LHFPL3: variants seen among roughly 807,000 people sequenced by gnomAD.
LHFPL3 encodes the protein LHFPL tetraspan subfamily member 3.
A neutral mutation model predicts 19.3 loss-of-function variants in LHFPL3; 5 were observed. The ratio of observed to expected loss-of-function variants is 0.26; its 90% confidence interval spans 0.14 to 0.54. The LOEUF (loss-of-function observed/expected upper bound fraction) is 0.54, where lower values mean the gene tolerates loss of function less well. Among genes scored for constraint, LHFPL3 ranks in the 20% least tolerant of loss-of-function variants. The pLI is 0.94. For synonymous variants in LHFPL3, 133 were observed against 126.2 expected, an observed-to-expected ratio of 1.05 and a Z score of -0.36; for missense variants, 249 against 307.4, an observed-to-expected ratio of 0.81 and a Z score of 1.42.
intron 1 of LHFPL3, among the ~76,000 whole-genome samples, chr7:104,333,612 C>T (rs1276282705): frequency 2.6e-5 from 4 of 152,162 alleles, no homozygotes; most frequent in South Asian, 2.1e-4. Flanking sequence ...CTTTTTATCC[C>T]GCTTGCTACC....
At chr7:104,901,122 C>T (rs1175352367) in intron 2 of LHFPL3, among the ~76,000 whole-genome samples, 5 of 152,192 alleles carry the variant, frequency 3.3e-5, no homozygotes, top group Admixed American at 3.3e-4. Context: ...GAGTGATGGC[C>T]ACATCTGGAG....
At chr7:104,470,020 T>C (rs868532202) in intron 1 of LHFPL3, 1 of 456,062 alleles carries the variant, frequency 2.2e-6, no homozygotes, top group Middle Eastern at 3.3e-4. Flanking sequence ...CAGGTAATGA[T>C]GCTGTGTGAA....
chr7:104,450,285 A>G (rs1334570347), intron 1 of LHFPL3, among the ~76,000 whole-genome samples: 1 of 152,208 alleles, frequency 6.6e-6, no homozygotes, highest in Admixed American at 6.5e-5. Flanking sequence ...TCTTACCTTC[A>G]GAATTGTAAA....
At chr7:104,398,271 T>A (rs1791234444) in intron 1 of LHFPL3, among the ~76,000 whole-genome samples, 1 of 152,206 alleles carries the variant, frequency 6.6e-6, no homozygotes, top group African/African-American at 2.4e-5. Context: ...CAACCCTGTA[T>A]TATCTTCCAT....
chr7:104,784,671 A>G (rs900088708), intron 2 of LHFPL3, among the ~76,000 whole-genome samples: 1 of 152,376 alleles, frequency 6.6e-6, no homozygotes, highest in Non-Finnish European at 1.5e-5. Flanking sequence ...CTGCAGCATT[A>G]TATTCACAAT....
intron 1 of LHFPL3, among the ~76,000 whole-genome samples, chr7:104,675,124 G>T (rs929220313): frequency 1.3e-5 from 2 of 152,244 alleles, no homozygotes; most frequent in Admixed American, 6.5e-5. Context: ...AGCAGAGTGG[G>T]AAGGAATCTC....
chr7:104,429,198 G>A (rs1281193450), intron 1 of LHFPL3, among the ~76,000 whole-genome samples: 1 of 150,496 alleles, frequency 6.6e-6, no homozygotes, highest in African/African-American at 2.4e-5. Flanking sequence ...GCCCACAACT[G>A]CCCTATTTTA....
chr7:104,409,187 T>C (rs560825790), intron 1 of LHFPL3, among the ~76,000 whole-genome samples: 8 of 152,062 alleles, frequency 5.3e-5, no homozygotes, highest in Non-Finnish European at 1.0e-4. Context: ...AGTGTTGTAA[T>C]TTTCTAACCC....
rs556056638 is a variant in LHFPL3 at position 104,800,925 on chromosome 7, A to T, written c.682+64014A>T. Among the ~76,000 whole-genome samples the T allele has an allele frequency of 2.6e-5, 4 of 152,328 alleles. No individual in the cohort carries two copies. In the South Asian group the frequency reaches 8.3e-4, roughly 32 times the overall value. On this transcript the variant is annotated intron_variant, in intron 2 of 2. Coordinates refer to ENST00000424859, the MANE Select transcript of LHFPL3 (RefSeq NM_199000.3). ...CAGGACCTTGGCCCGGCTTCCCTTT[A>T]TGAGGCTACCAGCCTCACAGAGAAT...
At chr7:104,894,415 T>C (rs574991033) in intron 2 of LHFPL3, among the ~76,000 whole-genome samples, 10 of 152,148 alleles carry the variant, frequency 6.6e-5, no homozygotes, top group African/African-American at 2.2e-4. Context: ...TTTCTAAGCT[T>C]TTCTGGGAGA....
chr7:104,408,864 CT>C (rs561975535), intron 1 of LHFPL3, among the ~76,000 whole-genome samples: 1,406 of 105,418 alleles, frequency 0.013, 37 homozygotes, highest in African/African-American at 0.047. Context: ...AATTTTCTTT[CT>C]TTTTTTTTTT....
chr7:104,365,797 A>AAAAAGAAAAAG (rs1554381868), intron 1 of LHFPL3, among the ~76,000 whole-genome samples: 2 of 125,968 alleles, frequency 1.6e-5, no homozygotes, highest in Admixed American at 9.4e-5. Context: ...CAAAAAAAAA[A>AAAAAGAAAAAG]AAAAAAAAGA....
At chr7:104,437,866 C>T (rs568059259) in intron 1 of LHFPL3, among the ~76,000 whole-genome samples, 18 of 152,254 alleles carry the variant, frequency 1.2e-4, no homozygotes, top group African/African-American at 3.6e-4. Flanking sequence ...GCCTTCATCA[C>T]GTAAACATGA....
chr7:104,806,052 A>T (rs1790355928), intron 2 of LHFPL3, among the ~76,000 whole-genome samples: 2 of 152,218 alleles, frequency 1.3e-5, no homozygotes, highest in Middle Eastern at 3.2e-3. Flanking sequence ...GCCGTGTTTT[A>T]GTGCGTACGA....
chr7:104,497,426 G>A (rs773642434), intron 1 of LHFPL3, among the ~76,000 whole-genome samples: 14 of 151,454 alleles, frequency 9.2e-5, no homozygotes, highest in East Asian at 3.9e-4. Context: ...CACATATAAC[G>A]TGAGGGGATA....
chr7:104,527,732 T>C lies in LHFPL3; in HGVS notation c.445+198508T>C, dbSNP rs146916292. 3.2e-4 allele frequency among the ~76,000 whole-genome samples: 48 copies of C among 152,206 alleles called. No homozygotes were observed. The East Asian group carries it at 9.3e-3, about 29-fold the overall frequency. On this transcript the variant is annotated intron_variant, in intron 1 of 2. Coordinates refer to ENST00000424859, the MANE Select transcript of LHFPL3 (RefSeq NM_199000.3). ...AGGCTACAGACCCAAGAAGGACCCT[T>C]TGAAAGTCCTGGCCTCACAATGGCC...
intron 2 of LHFPL3, among the ~76,000 whole-genome samples, chr7:104,776,323 C>T (rs1430969491): frequency 5.3e-5 from 8 of 152,252 alleles, no homozygotes; most frequent in African/African-American, 1.9e-4. Flanking sequence ...GCTACCGAGG[C>T]ACCCATGGGA....
intron 1 of LHFPL3, among the ~76,000 whole-genome samples, chr7:104,643,767 A>C (rs1036127835): frequency 1.3e-5 from 2 of 152,228 alleles, no homozygotes; most frequent in African/African-American, 4.8e-5. Context: ...ATTTAGATTT[A>C]GGCCACCTGC....
At chr7:104,376,755 A>G (rs1170108145) in intron 1 of LHFPL3, among the ~76,000 whole-genome samples, 1 of 152,000 alleles carries the variant, frequency 6.6e-6, no homozygotes, top group Admixed American at 6.6e-5. Flanking sequence ...CCTTGGCGAC[A>G]CTCCTCCTTG....
Sources: gnomAD v4.1 joint callset for allele counts (sites outside exome capture counted in the v4.1 genomes callset) on GRCh38, gnomAD v4.1.1 for gene constraint, MANE v1.5 for transcripts, NCBI Gene and HGNC (gene_info 2026-07-23, HGNC 2026-07-21) for gene names.